PITPNM2: variants seen among roughly 807,000 people sequenced by gnomAD.
PITPNM2 encodes phosphatidylinositol transfer protein membrane associated 2.
PITPNM2 carries 35 observed loss-of-function variants against 132.2 expected under a neutral mutation model. The ratio of observed to expected loss-of-function variants is 0.26; its 90% CI spans 0.20 to 0.35. PITPNM2 has a LOEUF of 0.35. Among genes scored for constraint, PITPNM2 ranks in the 10% least tolerant of loss-of-function variants. PITPNM2 has a pLI of 1.00. For synonymous variants in PITPNM2, 738 were observed against 799.2 expected (o/e 0.92, Z 1.29); for missense variants, 1,332 against 1,912.0 (o/e 0.70, Z 5.66).
intron 1 of PITPNM2, among the ~76,000 whole-genome samples, chr12:123,129,697 G>A (rs1371894366): frequency 1.3e-5 from 2 of 151,928 alleles, no homozygotes; most frequent in African/African-American, 4.8e-5. Context: ...TAATATTTAT[G>A]TTTCTGAGGC....
At chr12:123,043,892 T>C in intron 2 of PITPNM2, among the ~76,000 whole-genome samples, 1 of 152,116 alleles carries the variant, frequency 6.6e-6, no homozygotes, top group East Asian at 1.9e-4. Context: ...GGCACAAATG[T>C]GCATGTGAGG....
intron 1 of PITPNM2, among the ~76,000 whole-genome samples, chr12:123,132,452 C>T (rs1383813603): frequency 6.6e-6 from 1 of 152,024 alleles, no homozygotes; most frequent in Non-Finnish European, 1.5e-5. Context: ...AGGTTCTCAG[C>T]AGTATTCATG....
At position 122,983,551 on chromosome 12, in the gene PITPNM2, T is replaced by C. The variant is rs1465221698; in HGVS notation, c.*2476A>G. The C allele has an allele frequency of 6.5e-6, 1 of 152,680 alleles. No individual in the cohort carries two copies. Among genetic ancestry groups the C allele is most frequent in the African/African-American group, 2.4e-5 (1 of 41,406 alleles). The allele number at this position is 152,680 out of a possible 1,614,324, so 9.5% of individuals were successfully genotyped here. Reference sequence around the variant, plus strand: ...TACAGAGCACACTCAGGCCCAATGATGCGGGGACAGCAGGGACGGATGGGG... The same window carrying C: ...TACAGAGCACACTCAGGCCCAATGACGCGGGGACAGCAGGGACGGATGGGG... On this transcript the variant is annotated 3_prime_UTR_variant, in exon 26 of 26. Coordinates refer to ENST00000320201, the MANE Select transcript of PITPNM2 (RefSeq NM_020845.3).
chr12:123,115,256 C>T (rs2042914163), intron 1 of PITPNM2, among the ~76,000 whole-genome samples: 1 of 152,182 alleles, frequency 6.6e-6, no homozygotes, highest in Admixed American at 6.5e-5. Flanking sequence ...TCAACAAACA[C>T]TGTACTCTGG....
rs185314683 is a variant in PITPNM2, at chr12:123,115,937, C to T, written c.-199-5449G>A. Among the ~76,000 whole-genome samples the T allele has an allele frequency of 4.6e-4, 70 of 152,332 alleles. 1 individual carries two copies. The highest frequency in any genetic ancestry group is 1.6e-3 in the African/African-American group (66 of 41,580). On this transcript the variant is annotated intron_variant, in intron 1 of 25. Coordinates refer to ENST00000320201, the MANE Select transcript of PITPNM2 (RefSeq NM_020845.3). ...TGGCTCCAGTAGGACCTTGCTTGGG[C>T]CATGGGAACCTGGATATTCCAGAGG...
chr12:123,132,926 C>T (rs1485265569), intron 1 of PITPNM2, among the ~76,000 whole-genome samples: 1 of 152,190 alleles, frequency 6.6e-6, no homozygotes, highest in East Asian at 1.9e-4. Context: ...TATGAACAGA[C>T]CACGTTCTGT....
chr12:123,112,728 C>T lies in PITPNM2; in HGVS notation c.-199-2240G>A, dbSNP rs189838820. ...AATTTTTTTGTATTTTTAGTAGAGACGGGGTTTCACCATGTTAGCCAGGAT... is the reference window on the plus strand; with the variant it reads ...AATTTTTTTGTATTTTTAGTAGAGATGGGGTTTCACCATGTTAGCCAGGAT... On this transcript the variant is annotated intron_variant, in intron 1 of 25. Coordinates refer to ENST00000320201, the MANE Select transcript of PITPNM2 (RefSeq NM_020845.3). Among the ~76,000 whole-genome samples, 1,044 of 152,008 alleles carry T rather than the reference C, an allele frequency of 6.9e-3. 2 individuals carry two copies. The highest frequency in any genetic ancestry group is 0.051 in the Middle Eastern group (15 of 294).
Position 122,994,787 on chromosome 12 carries a change from T to C in PITPNM2, c.2233+14A>G. The C allele has an allele frequency of 6.3e-7, 1 of 1,599,258 alleles. No homozygotes were observed. Among genetic ancestry groups the C allele is most frequent in the East Asian group, 2.3e-5 (1 of 44,376 alleles). ...GTGCATGTACCCCCCATCCTGCCCC[T>C]GCTGGGCTCTCACCATCCAGGGCTG... On this transcript the variant is annotated intron_variant, in intron 15 of 25. Coordinates refer to ENST00000320201, the MANE Select transcript of PITPNM2 (RefSeq NM_020845.3). The surrounding 1 kb of genome is among the most constrained non-coding windows in gnomAD (Gnocchi z 5.4).
Position 123,022,831 on chromosome 12 carries a change from C to T in PITPNM2, c.79-8789G>A, listed in dbSNP as rs550816297. On this transcript the variant is annotated intron_variant, in intron 3 of 25. Transcript: ENST00000320201. This position sits in a 1 kb window ranked among gnomAD's most constrained non-coding sequence, Gnocchi z 4.9. ...GCAGGAATTGAGGGGAAGGGGAGGT[C>T]TGTTCCTGAAGGAGGGGCACCGGCC... Among the ~76,000 whole-genome samples the T allele has an allele frequency of 6.6e-6, 1 of 152,238 alleles. No individual in the cohort carries two copies. The highest frequency in any genetic ancestry group is 1.5e-5 in the Non-Finnish European group (1 of 68,044).
At chr12:123,130,779 C>CA (rs145349013) in intron 1 of PITPNM2, among the ~76,000 whole-genome samples, 21 of 150,306 alleles carry the variant, frequency 1.4e-4, no homozygotes, top group South Asian at 1.1e-3. Context: ...GACTCCATCT[C>CA]AAAAAAAAAG....
intron 11 of PITPNM2, 95 bp from the exon 12 acceptor site, chr12:122,997,005 A>C: frequency 8.1e-7 from 1 of 1,240,532 alleles, no homozygotes; most frequent in Non-Finnish European, 1.1e-6. Context: ...TGGACTCAGC[A>C]TACGCTAGTG....
chr12:123,037,876 T>C (rs1333091643), intron 2 of PITPNM2, among the ~76,000 whole-genome samples: 1 of 152,264 alleles, frequency 6.6e-6, no homozygotes, highest in Non-Finnish European at 1.5e-5. Context: ...AGCACATGTC[T>C]GGAACAGATA....
intron 14 of PITPNM2, 118 bp from the exon 15 acceptor site, chr12:122,995,097 C>T: frequency 8.3e-7 from 1 of 1,199,948 alleles, no homozygotes; most frequent in Non-Finnish European, 1.1e-6. Flanking sequence ...TCAGGACAGC[C>T]CTGAGCTGGA....
In PITPNM2 at chr12:123,134,152, G is replaced by A. The variant is rs1003644021; in HGVS notation, c.-200+16601C>T. On this transcript the variant is annotated intron_variant, in intron 1 of 25. Coordinates refer to ENST00000320201, the MANE Select transcript of PITPNM2 (RefSeq NM_020845.3). ...GTGATCTTGGCTCACTGCAACCTCC[G>A]CCTCTGGTTCAAGCTATTCTCCTGC... Among the ~76,000 whole-genome samples, 5 of 151,986 alleles carry A rather than the reference G, an allele frequency of 3.3e-5. No homozygotes were observed. The East Asian group carries it at 7.7e-4, about 23-fold the overall frequency.
At chr12:123,130,454 C>G (rs2043237366) in intron 1 of PITPNM2, among the ~76,000 whole-genome samples, 1 of 152,110 alleles carries the variant, frequency 6.6e-6, no homozygotes, top group Admixed American at 6.5e-5. Flanking sequence ...ATCCTTGTGT[C>G]CTTCTTGGCT....
At position 123,064,165 on chromosome 12, in the gene PITPNM2, C is replaced by G. The variant is rs1461050344; in HGVS notation, c.-95-29480G>C. On this transcript the variant is annotated intron_variant, in intron 2 of 25. Transcript: ENST00000320201. This position sits in a 1 kb window ranked among gnomAD's most constrained non-coding sequence, Gnocchi z 4.0. The stretch of plus-strand genomic sequence containing the variant: ...ATTGCCAGCCTTCCCAGGGTTGGGG[C>G]CGTTGCTCACTGTTTCGACCCTCCC... Among the ~76,000 whole-genome samples, 2 of 152,190 alleles carry G rather than the reference C, an allele frequency of 1.3e-5. No homozygotes were observed. Among genetic ancestry groups the G allele is most frequent in the East Asian group, 3.8e-4 (2 of 5,196 alleles).
chr12:123,093,549 GC>G (rs1184666468), intron 2 of PITPNM2, among the ~76,000 whole-genome samples: 2 of 152,188 alleles, frequency 1.3e-5, no homozygotes, highest in East Asian at 1.9e-4. Context: ...CTGCAGTGGA[GC>G]CACCCCCTGC....
intron 2 of PITPNM2, among the ~76,000 whole-genome samples, chr12:123,047,148 T>C (rs1474199423): frequency 6.6e-6 from 1 of 152,378 alleles, no homozygotes; most frequent in East Asian, 1.9e-4. Context: ...GCTAAAGCTA[T>C]GTATTGATGC....
At chr12:123,017,577 A>G (rs2136291556) in intron 3 of PITPNM2, among the ~76,000 whole-genome samples, 1 of 152,354 alleles carries the variant, frequency 6.6e-6, no homozygotes, top group Non-Finnish European at 1.5e-5. Flanking sequence ...TGTTCATTGC[A>G]GTATTATTCA....
Sources: allele counts gnomAD v4.1 joint callset (sites outside exome capture counted in the v4.1 genomes callset), GRCh38; gene constraint gnomAD v4.1.1; non-coding constraint Gnocchi (gnomAD v3.1); transcripts MANE v1.5; gene names NCBI Gene and HGNC (gene_info 2026-07-23, HGNC 2026-07-21).